MIER1: variants seen among roughly 807,000 people sequenced by gnomAD.
The protein encoded by MIER1 is mesoderm induction early response protein 1.
A neutral mutation model predicts 75.7 loss-of-function variants in MIER1; 40 were observed. That is an observed-to-expected ratio of 0.53 (90% CI 0.41 to 0.69). The LOEUF (loss-of-function observed/expected upper bound fraction) is 0.69. MIER1 is among the 30% of genes least tolerant of loss of function. The pLI is 0.00. For missense variants in MIER1, 574 were observed against 680.2 expected, an observed-to-expected ratio of 0.84 and a Z score of 1.74; for synonymous variants, 213 against 223.4, an observed-to-expected ratio of 0.95 and a Z score of 0.42.
At chr1:66,938,033 A>G (rs961245184) in intron 2 of MIER1, among the ~76,000 whole-genome samples, 3 of 152,226 alleles carry the variant, frequency 2.0e-5, no homozygotes, top group Non-Finnish European at 4.4e-5. Context: ...CATAATCACT[A>G]ATGTTACCTT....
At chr1:66,952,617 C>T (rs1460239523) in intron 4 of MIER1, among the ~76,000 whole-genome samples, 1 of 152,054 alleles carries the variant, frequency 6.6e-6, no homozygotes, top group East Asian at 1.9e-4. Flanking sequence ...AATTTATTTT[C>T]TCTATTTCTG....
intron 13 of MIER1, among the ~76,000 whole-genome samples, chr1:66,982,501 T>C (rs1666099433): frequency 6.6e-6 from 1 of 152,212 alleles, no homozygotes; most frequent in East Asian, 1.9e-4. Context: ...AAATATACAG[T>C]GGACCAGAGA....
At chr1:66,948,045 CT>C (rs1334977581) in intron 4 of MIER1, 23 of 975,440 alleles carry the variant, frequency 2.4e-5, no homozygotes. Context: ...TCAATGCTTT[CT>C]TTAGTGTTAG....
chr1:66,960,152 G>T (rs1304296565), intron 7 of MIER1: 1 of 152,472 alleles, frequency 6.6e-6, no homozygotes. Flanking sequence ...CCTGTAAAAA[G>T]TATCACGTAT....
At chr1:66,976,246 C>T (rs1237084815) in intron 11 of MIER1, among the ~76,000 whole-genome samples, 2 of 127,618 alleles carry the variant, frequency 1.6e-5, no homozygotes, top group Non-Finnish European at 3.3e-5. Flanking sequence ...TCGTGATCCA[C>T]CCCCCTTGGC....
At chr1:66,982,885 A>G (rs968786673) in intron 13 of MIER1, among the ~76,000 whole-genome samples, 34 of 152,220 alleles carry the variant, frequency 2.2e-4, no homozygotes, top group Admixed American at 1.6e-3. Flanking sequence ...CTTGATGTCT[A>G]ATGTTTGTCA....
chr1:66,971,378 G>A (rs1663579061), intron 9 of MIER1, among the ~76,000 whole-genome samples: 2 of 151,836 alleles, frequency 1.3e-5, no homozygotes, highest in African/African-American at 4.8e-5. Flanking sequence ...CACAAAGAAG[G>A]GATTTTCATT....
rs1335400867 is a variant in MIER1, at chr1:66,986,106, T to C, written c.*1206T>C. ...ATTGGCACACACAAGGAACAACTGT[T>C]GGCAGGCAGTATCGATTTTATGAAG... On this transcript the variant is annotated 3_prime_UTR_variant, in exon 14 of 14. Coordinates refer to ENST00000401041, the MANE Select transcript of MIER1 (RefSeq NM_001077700.3). 4.6e-6 allele frequency: 5 copies of C among 1,094,986 alleles called. No homozygotes were observed. The highest frequency in any genetic ancestry group is 5.6e-6 in the Non-Finnish European group (5 of 899,942). 67.8% of individuals were successfully genotyped at this position (1,094,986 alleles called of 1,614,324 possible).
At chr1:66,946,476 CTT>C (rs1558045119) in intron 4 of MIER1, 181 bp downstream of exon 4, 2 of 1,327,314 alleles carry the variant, frequency 1.5e-6, no homozygotes, top group South Asian at 2.1e-5. Context: ...AAAACAATAA[CTT>C]TATTATGTGC....
chr1:66,985,468 C>A lies in MIER1; in HGVS notation c.*568C>A. ...TTATATATAGAAGTTTAAAAATAAA[C>A]CAGGTCAGGTTTGTATATGTAAAAT... On this transcript the variant is annotated 3_prime_UTR_variant, in exon 14 of 14. Transcript: ENST00000401041. 1 of 983,336 alleles carries A rather than the reference C, an allele frequency of 1.0e-6. No individual in the cohort carries two copies. Among genetic ancestry groups the A allele is most frequent in the Non-Finnish European group, 1.2e-6 (1 of 828,048 alleles). 60.9% of individuals were successfully genotyped at this position (983,336 alleles called of 1,614,324 possible). A position where few individuals can be genotyped will look rare whatever the true frequency, so the allele number is the denominator to read the frequency against.
chr1:66,967,188 C>A (rs1662598859), intron 8 of MIER1, among the ~76,000 whole-genome samples: 1 of 152,048 alleles, frequency 6.6e-6, no homozygotes, highest in South Asian at 2.1e-4. Context: ...TTGTGTGTGA[C>A]AAGATATAGG....
chr1:66,962,824 A>C (rs192225839), intron 7 of MIER1, among the ~76,000 whole-genome samples: 1 of 152,152 alleles, frequency 6.6e-6, no homozygotes, highest in Admixed American at 6.5e-5. Context: ...AATTATCAGA[A>C]TTCACTTCTT....
At position 66,986,382 on chromosome 1, in the gene MIER1, A is replaced by ATT; in HGVS notation, c.*1483_*1484dup. 6.2e-7 allele frequency: 1 copy of ATT among 1,607,532 alleles called. No homozygotes were observed. The highest frequency in any genetic ancestry group is 8.5e-7 in the Non-Finnish European group (1 of 1,177,182). On this transcript the variant is annotated 3_prime_UTR_variant, in exon 14 of 14. Coordinates refer to ENST00000401041, the MANE Select transcript of MIER1 (RefSeq NM_001077700.3). The stretch of plus-strand genomic sequence containing the variant: ...TCCAAACTTTTATAAAATATTAATT[A>ATT]TTCTTGTTTTTCTCACACAGGCATA...
At chr1:66,982,013 C>T in intron 13 of MIER1, 95 bp downstream of exon 13, 1 of 1,307,422 alleles carries the variant, frequency 7.6e-7, no homozygotes, top group African/African-American at 1.5e-5. Flanking sequence ...ATTAAACTTC[C>T]AGAGCAGAAA....
At chr1:66,959,811 A>AT (rs35465377) in intron 7 of MIER1, 68 bp downstream of exon 7, 293,844 of 496,042 alleles carry the variant, frequency 0.59, 68,139 homozygotes, top group African/African-American at 0.79. Context: ...TCGTGTAATT[A>AT]TTTTTTTTTT....
chr1:66,958,247 T>C, intron 5 of MIER1, 27 bp downstream of exon 5: 1 of 1,474,822 alleles, frequency 6.8e-7, no homozygotes, highest in Non-Finnish European at 9.2e-7. Context: ...ATATTTAAGA[T>C]TGTAGTCTTT....
chr1:66,934,047 G>A (rs1428439801), intron 2 of MIER1, among the ~76,000 whole-genome samples: 1 of 151,896 alleles, frequency 6.6e-6, no homozygotes, highest in East Asian at 1.9e-4. Flanking sequence ...CTTATTCTGT[G>A]GCTTAGAACA....
chr1:66,976,725 G>T lies in MIER1; in HGVS notation c.1229+3G>T. 2 of 1,571,236 alleles carry T rather than the reference G, an allele frequency of 1.3e-6. No individual in the cohort carries two copies. Among genetic ancestry groups the T allele is most frequent in the South Asian group, 1.2e-5 (1 of 83,874 alleles). ...TATAATCTTCATCCTGGTGTAACGTGAGTTAATTTTTTCCTTAAGAGCTAT... is the reference window on the plus strand; with the variant it reads ...TATAATCTTCATCCTGGTGTAACGTTAGTTAATTTTTTCCTTAAGAGCTAT... On this transcript the variant is annotated splice_donor_region_variant and intron_variant, in intron 12 of 13. Coordinates refer to ENST00000401041, the MANE Select transcript of MIER1 (RefSeq NM_001077700.3).
chr1:66,971,286 G>T (rs1326475231), intron 9 of MIER1, among the ~76,000 whole-genome samples: 1 of 152,010 alleles, frequency 6.6e-6, no homozygotes, highest in Non-Finnish European at 1.5e-5. Context: ...TAAGACCAGT[G>T]CCTACCATGA....
Sources: allele counts gnomAD v4.1 joint callset (sites outside exome capture counted in the v4.1 genomes callset), GRCh38; gene constraint gnomAD v4.1.1; transcripts MANE v1.5; gene names NCBI Gene and HGNC (gene_info 2026-07-23, HGNC 2026-07-21).